The following HS6ST3 variants were observed in gnomAD, a reference collection of about 807,000 sequenced individuals.
HS6ST3 encodes heparan-sulfate 6-O-sulfotransferase 3.
In HS6ST3, 12 loss-of-function variants were observed where a neutral mutation model predicts 36.7. The ratio of observed to expected loss-of-function variants is 0.33; its 90% CI spans 0.21 to 0.53. The LOEUF is 0.53. HS6ST3 is among the 20% of genes least tolerant of loss of function. The probability of loss-of-function intolerance (pLI) is 0.95; values close to 1 mark genes in which losing one functional copy is unlikely to be tolerated. For missense variants in HS6ST3, 584 were observed against 640.9 expected, an observed-to-expected ratio of 0.91 and a Z score of 0.96; for synonymous variants, 240 against 257.5, an observed-to-expected ratio of 0.93 and a Z score of 0.65.
chr13:96,362,297 A>AG (rs2055242480), intron 1 of HS6ST3, among the ~76,000 whole-genome samples: 1 of 152,044 alleles, frequency 6.6e-6, no homozygotes, highest in South Asian at 2.1e-4. Context: ...AATTAAAAAA[A>AG]CTGTTCTTAT....
chr13:96,812,383 C>T (rs1878334188), intron 1 of HS6ST3, among the ~76,000 whole-genome samples: 3 of 152,126 alleles, frequency 2.0e-5, no homozygotes, highest in South Asian at 4.1e-4. Context: ...TTCAAGTTAG[C>T]TTCTTCTAGA....
intron 1 of HS6ST3, among the ~76,000 whole-genome samples, chr13:96,709,773 G>A (rs925582625): frequency 2.0e-5 from 3 of 152,182 alleles, no homozygotes; most frequent in Admixed American, 6.5e-5. Context: ...GTTTGTTACA[G>A]CAGCCTAAGC....
intron 1 of HS6ST3, among the ~76,000 whole-genome samples, chr13:96,152,345 G>C (rs1447053985): frequency 2.9e-5 from 3 of 105,232 alleles, no homozygotes; most frequent in African/African-American, 7.5e-5. Context: ...TGTTGTTGTT[G>C]TTGTTGTTTT....
intron 1 of HS6ST3, among the ~76,000 whole-genome samples, chr13:96,206,527 C>T (rs1193785020): frequency 6.6e-6 from 1 of 152,148 alleles, no homozygotes; most frequent in Non-Finnish European, 1.5e-5. Flanking sequence ...AAGAACAAAG[C>T]TGGAGGCATC....
chr13:96,280,734 C>G (rs903683409), intron 1 of HS6ST3, among the ~76,000 whole-genome samples: 14 of 152,062 alleles, frequency 9.2e-5, no homozygotes, highest in African/African-American at 3.4e-4. Context: ...AGCTTTGTGG[C>G]CTGTGCAAAA....
intron 1 of HS6ST3, among the ~76,000 whole-genome samples, chr13:96,209,258 G>A (rs1204132430): frequency 6.6e-6 from 1 of 152,190 alleles, no homozygotes. Context: ...GTTAGCGGTA[G>A]CGGGGATCAT....
At chr13:96,582,113 A>G (rs191233719) in intron 1 of HS6ST3, among the ~76,000 whole-genome samples, 1 of 152,328 alleles carries the variant, frequency 6.6e-6, no homozygotes, top group African/African-American at 2.4e-5. Context: ...ATTTTAAAGA[A>G]AATGCTCTTC....
chr13:96,246,907 T>C (rs1371695165), intron 1 of HS6ST3, among the ~76,000 whole-genome samples: 2 of 152,134 alleles, frequency 1.3e-5, no homozygotes, highest in African/African-American at 4.8e-5. Context: ...TTCTTGAGAA[T>C]GGTAATTGAT....
intron 1 of HS6ST3, among the ~76,000 whole-genome samples, chr13:96,225,398 T>C (rs1288654186): frequency 6.6e-6 from 1 of 152,272 alleles, no homozygotes; most frequent in East Asian, 1.9e-4. Flanking sequence ...AACATCAGAC[T>C]TTAATATTTT....
At chr13:96,540,347 A>G (rs1454263834) in intron 1 of HS6ST3, among the ~76,000 whole-genome samples, 2 of 152,240 alleles carry the variant, frequency 1.3e-5, no homozygotes, top group Non-Finnish European at 2.9e-5. Context: ...GCACTCAGGT[A>G]TAAAACTTAA....
chr13:96,709,557 TG>T (rs1418843725), intron 1 of HS6ST3, among the ~76,000 whole-genome samples: 1 of 152,100 alleles, frequency 6.6e-6, no homozygotes, highest in Admixed American at 6.5e-5. Flanking sequence ...TCTTCATGAA[TG>T]GGATAAACAC....
intron 1 of HS6ST3, among the ~76,000 whole-genome samples, chr13:96,172,391 TA>T (rs886482468): frequency 6.6e-6 from 1 of 152,206 alleles, no homozygotes; most frequent in African/African-American, 2.4e-5. Flanking sequence ...CTTCAGAAAT[TA>T]AAAAGCCCTG....
intron 1 of HS6ST3, among the ~76,000 whole-genome samples, chr13:96,330,440 G>T (rs1320251455): frequency 1.4e-5 from 2 of 146,662 alleles, no homozygotes; most frequent in Non-Finnish European, 3.0e-5. Flanking sequence ...CTTCACTTAT[G>T]AAGCTTAGTT....
chr13:96,539,873 A>G (rs1026668023), intron 1 of HS6ST3, among the ~76,000 whole-genome samples: 1 of 152,136 alleles, frequency 6.6e-6, no homozygotes, highest in Admixed American at 6.6e-5. Context: ...AATATCTTCA[A>G]CTACTCCCTT....
intron 1 of HS6ST3, among the ~76,000 whole-genome samples, chr13:96,279,805 G>T (rs775412544): frequency 1.3e-5 from 2 of 152,040 alleles, no homozygotes; most frequent in Admixed American, 6.6e-5. Flanking sequence ...GAGTAATTTG[G>T]CAATGTTTGG....
chr13:96,205,211 A>G (rs2054363976), intron 1 of HS6ST3, among the ~76,000 whole-genome samples: 2 of 152,192 alleles, frequency 1.3e-5, no homozygotes, highest in Admixed American at 1.3e-4. Context: ...CTACACACAT[A>G]AACTAGAAAA....
intron 1 of HS6ST3, among the ~76,000 whole-genome samples, chr13:96,751,680 T>C (rs1594851803): frequency 6.6e-6 from 1 of 152,056 alleles, no homozygotes; most frequent in Non-Finnish European, 1.5e-5. Context: ...TAACTAATTA[T>C]AGTTAATGCA....
At chr13:96,136,682 CATATATATATATATAT>C (rs56247662) in intron 1 of HS6ST3, among the ~76,000 whole-genome samples, 52,140 of 130,586 alleles carry the variant, frequency 0.4, 10,117 homozygotes, top group Middle Eastern at 0.46. Context: ...TGTTATGAAA[CATATATATATATATAT>C]ATATATATAT....
In HS6ST3 at chr13:96,706,440, T is replaced by TATATATATATATATATATATATATAA. The variant is rs1491180585; in HGVS notation, c.708-126049_708-126048insTATATATATATATATATATATATAAA. 2.4e-4 allele frequency among the ~76,000 whole-genome samples: 33 copies of TATATATATATATATATATATATATAA among 137,584 alleles called. 1 individual carries two copies. Among genetic ancestry groups the TATATATATATATATATATATATATAA allele is most frequent in the Non-Finnish European group, 4.3e-4 (28 of 64,978 alleles). 90.3% of individuals were successfully genotyped at this position (137,584 alleles called of 152,430 possible). A position where few individuals can be genotyped will look rare whatever the true frequency, so the allele number is the denominator to read the frequency against. On this transcript the variant is annotated intron_variant, in intron 1 of 1. Transcript: ENST00000376705. Reference sequence around the variant, plus strand: ...ATATATATATATATATATATATATATAATCAGGGAAAGTAGCGTTTGGTTT... The same window carrying TATATATATATATATATATATATATAA: ...ATATATATATATATATATATATATATATATATATATATATATATATATATAAAATCAGGGAAAGTAGCGTTTGGTTT...
Sources: gnomAD v4.1 joint callset for allele counts (sites outside exome capture counted in the v4.1 genomes callset) on GRCh38, gnomAD v4.1.1 for gene constraint, MANE v1.5 for transcripts, NCBI Gene and HGNC (gene_info 2026-07-23, HGNC 2026-07-21) for gene names.